The following ANO3 variants were observed in gnomAD, a reference collection of about 807,000 sequenced individuals.
ANO3 encodes anoctamin 3, also known as anoctamin-3.
In ANO3, 99 loss-of-function variants were observed where a neutral mutation model predicts 144.8. The observed-to-expected ratio is 0.68, with a 90% CI of 0.58 to 0.81. The LOEUF (loss-of-function observed/expected upper bound fraction) is 0.81, where lower values mean the gene tolerates loss of function less well. Among genes scored for constraint, ANO3 ranks in the 30% least tolerant of loss-of-function variants. ANO3 has a pLI of 0.00. For missense variants in ANO3, 905 were observed against 1,202.2 expected, an observed-to-expected ratio of 0.75 and a Z score of 3.66; for synonymous variants, 414 against 392.6, an observed-to-expected ratio of 1.05 and a Z score of -0.64.
chr11:26,198,776 A>G (rs182291383), intron 1 of ANO3, among the ~76,000 whole-genome samples: 1 of 152,174 alleles, frequency 6.6e-6, no homozygotes. Context: ...TATTTAAGCT[A>G]CGCCTGAAGC....
chr11:26,452,518 G>A (rs1300470822), intron 3 of ANO3, among the ~76,000 whole-genome samples: 1 of 152,128 alleles, frequency 6.6e-6, no homozygotes, highest in Admixed American at 6.5e-5. Context: ...AGCGAGAAGG[G>A]AAGTTTAGAG....
At chr11:26,520,861 T>G (rs1007815676) in intron 6 of ANO3, among the ~76,000 whole-genome samples, 1 of 152,126 alleles carries the variant, frequency 6.6e-6, no homozygotes, top group Non-Finnish European at 1.5e-5. Flanking sequence ...AATCTTGTCT[T>G]GGATATTTTA....
intron 13 of ANO3, among the ~76,000 whole-genome samples, chr11:26,554,872 G>A (rs1408854073): frequency 6.6e-6 from 1 of 152,048 alleles, no homozygotes; most frequent in Admixed American, 6.6e-5. Context: ...TTTTTTGCCT[G>A]ATGTCTACCA....
At chr11:26,565,362 A>G in intron 14 of ANO3, 1 of 1,612,994 alleles carries the variant, frequency 6.2e-7, no homozygotes, top group Non-Finnish European at 8.5e-7. Context: ...GCTAACTGTA[A>G]TGGAACTGTT....
intron 1 of ANO3, among the ~76,000 whole-genome samples, chr11:26,293,189 C>T (rs1230653619): frequency 6.6e-6 from 1 of 151,988 alleles, no homozygotes; most frequent in Non-Finnish European, 1.5e-5. Context: ...CACAGGCCAT[C>T]GATGAAAACA....
At chr11:26,565,180 AC>A (rs781106150) in intron 14 of ANO3, 1 of 1,505,544 alleles carries the variant, frequency 6.6e-7, no homozygotes, top group Admixed American at 2.3e-5. Context: ...TGGGGATCTG[AC>A]GTATTTGGAA....
intron 1 of ANO3, 46 bp from the exon 2 acceptor site, chr11:26,441,869 TCTA>T (rs1336877610): frequency 1.2e-5 from 17 of 1,435,662 alleles, no homozygotes; most frequent in Admixed American, 1.1e-4. Context: ...TTTATTGACC[TCTA>T]CTGATTGATT....
At chr11:26,189,898 T>C (rs1047700661) in intron 1 of ANO3, among the ~76,000 whole-genome samples, 2 of 152,198 alleles carry the variant, frequency 1.3e-5, no homozygotes, top group Non-Finnish European at 2.9e-5. Context: ...GCTTAGAATC[T>C]CACAGTTTTT....
intron 1 of ANO3, among the ~76,000 whole-genome samples, chr11:26,204,932 T>C (rs905946602): frequency 6.6e-6 from 1 of 152,146 alleles, no homozygotes; most frequent in African/African-American, 2.4e-5. Context: ...CTGGGTAATT[T>C]ATAAAGGAAA....
At chr11:26,345,245 T>C (rs995885701) in intron 1 of ANO3, among the ~76,000 whole-genome samples, 4 of 152,148 alleles carry the variant, frequency 2.6e-5, no homozygotes, top group African/African-American at 9.7e-5. Flanking sequence ...CAGATATCCC[T>C]TCCTTCAACC....
intron 4 of ANO3, among the ~76,000 whole-genome samples, chr11:26,495,023 A>G (rs927034630): frequency 1.4e-4 from 21 of 152,152 alleles, no homozygotes; most frequent in African/African-American, 4.8e-4. Context: ...GCCATAAATA[A>G]TCTTAAATGA....
intron 1 of ANO3, among the ~76,000 whole-genome samples, chr11:26,339,508 A>C (rs1397984017): frequency 1.3e-5 from 2 of 152,196 alleles, no homozygotes; most frequent in East Asian, 3.9e-4. Flanking sequence ...TAATTGTTGC[A>C]GGTTCTTTGG....
Position 26,643,264 on chromosome 11 carries a change from A to G in ANO3, c.2358A>G (p.Glu786=). 1 of 1,614,230 alleles carries G rather than the reference A, an allele frequency of 6.2e-7. No individual in the cohort carries two copies. Among genetic ancestry groups the G allele is most frequent in the Non-Finnish European group, 8.5e-7 (1 of 1,180,044 alleles). ...TGGCTTTGTTAAACAATATCATTGA[A>G]ATCAGGCTGGATGCATACAAATTTG... is the stretch of plus-strand genomic sequence containing the variant. The part of the protein sequence containing the change: ...PLLALLNNII[E]IRLDAYKFVT... Residue 786 remains glutamate, a synonymous_variant, in exon 23 of 27, where the codon GAA becomes GAG. Transcript: ENST00000256737.
At chr11:26,228,843 C>A (rs1197691309) in intron 1 of ANO3, among the ~76,000 whole-genome samples, 1 of 152,138 alleles carries the variant, frequency 6.6e-6, no homozygotes, top group Non-Finnish European at 1.5e-5. Flanking sequence ...CAATAGATAG[C>A]ACTTGGTGGG....
At chr11:26,601,056 T>C (rs1328309135) in intron 17 of ANO3, among the ~76,000 whole-genome samples, 2 of 152,168 alleles carry the variant, frequency 1.3e-5, no homozygotes, top group African/African-American at 4.8e-5. Context: ...TCTTTAATTC[T>C]TCCAACAGCT....
intron 4 of ANO3, among the ~76,000 whole-genome samples, chr11:26,472,597 T>C (rs1859822098): frequency 1.3e-5 from 2 of 151,852 alleles, no homozygotes; most frequent in African/African-American, 4.8e-5. Flanking sequence ...AATTGGGTAG[T>C]TAGGGGTCAT....
intron 1 of ANO3, among the ~76,000 whole-genome samples, chr11:26,303,984 A>C (rs1854300226): frequency 6.6e-6 from 1 of 152,198 alleles, no homozygotes; most frequent in African/African-American, 2.4e-5. Context: ...AAGTGCTAGG[A>C]TTACAGGCGT....
chr11:26,316,091 C>T (rs1259045350), intron 1 of ANO3, among the ~76,000 whole-genome samples: 1 of 152,100 alleles, frequency 6.6e-6, no homozygotes, highest in Non-Finnish European at 1.5e-5. Flanking sequence ...GCATATTTAC[C>T]CTAGATGTGG....
intron 18 of ANO3, among the ~76,000 whole-genome samples, chr11:26,633,488 C>G (rs7942183): frequency 6.6e-6 from 1 of 152,040 alleles, no homozygotes; most frequent in Non-Finnish European, 1.5e-5. Flanking sequence ...ATTCCACTTC[C>G]GTCTGTACAC....
Sources: allele counts gnomAD v4.1 joint callset (sites outside exome capture counted in the v4.1 genomes callset), GRCh38; gene constraint gnomAD v4.1.1; transcripts MANE v1.5; gene names NCBI Gene and HGNC (gene_info 2026-07-23, HGNC 2026-07-21).